The following KCNJ6 variants were observed in gnomAD, a reference collection of about 807,000 sequenced individuals.
KCNJ6 encodes the protein potassium inwardly rectifying channel subfamily J member 6, also known as G protein-activated inward rectifier potassium channel 2.
A neutral mutation model predicts 34.2 loss-of-function variants in KCNJ6; 9 were observed. The ratio of observed to expected loss-of-function variants is 0.26; its 90% confidence interval spans 0.16 to 0.46. KCNJ6 has a LOEUF of 0.46. KCNJ6 is among the 20% of genes least tolerant of loss of function. The pLI, the probability that KCNJ6 is intolerant of heterozygous loss-of-function variation, is 1.00. For synonymous variants in KCNJ6, 196 were observed against 207.1 expected, an observed-to-expected ratio of 0.95 and a Z score of 0.46; for missense variants, 236 against 531.3, an observed-to-expected ratio of 0.44 and a Z score of 5.46.
chr21:37,665,724 C>T (rs2054510879), intron 3 of KCNJ6, among the ~76,000 whole-genome samples: 1 of 152,220 alleles, frequency 6.6e-6, no homozygotes, highest in Non-Finnish European at 1.5e-5. Flanking sequence ...TTCATCCCTC[C>T]CTCAAGTATC....
At chr21:37,653,154 GCAA>G (rs962471408) in intron 3 of KCNJ6, among the ~76,000 whole-genome samples, 5 of 152,184 alleles carry the variant, frequency 3.3e-5, no homozygotes, top group African/African-American at 9.6e-5. Context: ...CTCCAGTGAT[GCAA>G]CAACAACAAC....
At chr21:37,827,708 G>T (rs1216440288) in intron 2 of KCNJ6, among the ~76,000 whole-genome samples, 1 of 151,960 alleles carries the variant, frequency 6.6e-6, no homozygotes, top group Non-Finnish European at 1.5e-5. Context: ...CAGTTGCTAT[G>T]TTACATGTTT....
chr21:37,872,061 AC>A, intron 1 of KCNJ6, among the ~76,000 whole-genome samples: 1 of 152,322 alleles, frequency 6.6e-6, no homozygotes, highest in Admixed American at 6.5e-5. Context: ...TATTAAACAA[AC>A]AAATGTAAGC....
At chr21:37,730,797 A>G (rs1249338835) in intron 2 of KCNJ6, among the ~76,000 whole-genome samples, 2 of 152,198 alleles carry the variant, frequency 1.3e-5, no homozygotes, top group Non-Finnish European at 2.9e-5. Context: ...CGGTGGCTGG[A>G]CTAATTGGCA....
intron 1 of KCNJ6, among the ~76,000 whole-genome samples, chr21:37,910,390 T>A (rs1295424650): frequency 1.3e-5 from 2 of 152,154 alleles, no homozygotes; most frequent in Non-Finnish European, 2.9e-5. Flanking sequence ...ATGAAAAAAA[T>A]CAATTCTTAT....
rs370442893 is a variant in KCNJ6 at position 37,761,454 on chromosome 21, TTGTG to T, written c.26-46327_26-46324del. Among the ~76,000 whole-genome samples the T allele has an allele frequency of 9.7e-4, 146 of 150,226 alleles. 1 individual carries two copies. The highest frequency in any genetic ancestry group is 3.5e-3 in the Middle Eastern group (1 of 288). ...TGTTGTGTGTGTATATTTGTGTGTG[TTGTG>T]TGTATGTAGTTTGTGTGTATATTTG... On this transcript the variant is annotated intron_variant, in intron 2 of 3. Coordinates refer to ENST00000609713, the MANE Select transcript of KCNJ6 (RefSeq NM_002240.5).
At chr21:37,873,849 C>T (rs1393249288) in intron 1 of KCNJ6, among the ~76,000 whole-genome samples, 1 of 152,046 alleles carries the variant, frequency 6.6e-6, no homozygotes, top group Non-Finnish European at 1.5e-5. Flanking sequence ...ACCTTTTATC[C>T]CTCCCTTTTG....
intron 3 of KCNJ6, among the ~76,000 whole-genome samples, chr21:37,631,386 T>C (rs923128248): frequency 6.6e-6 from 1 of 152,182 alleles, no homozygotes; most frequent in South Asian, 2.1e-4. Flanking sequence ...TATAATACAA[T>C]GCTGGAAAAG....
chr21:37,742,096 T>G (rs1201394272), intron 2 of KCNJ6, among the ~76,000 whole-genome samples: 1 of 152,136 alleles, frequency 6.6e-6, no homozygotes, highest in Middle Eastern at 3.2e-3. Context: ...TACCTAGAAA[T>G]GGACATCCTG....
intron 3 of KCNJ6, among the ~76,000 whole-genome samples, chr21:37,663,350 G>A (rs1405795735): frequency 1.3e-5 from 2 of 151,914 alleles, no homozygotes; most frequent in Non-Finnish European, 2.9e-5. Context: ...TATGTGAGAG[G>A]CCTAATAGTT....
intron 1 of KCNJ6, among the ~76,000 whole-genome samples, chr21:37,884,178 T>A (rs2836032): frequency 6.6e-6 from 1 of 152,016 alleles, no homozygotes; most frequent in Non-Finnish European, 1.5e-5. Context: ...TGTCTGGGCC[T>A]ATAAGCCAGG....
At chr21:37,870,303 A>T (rs573248511) in intron 1 of KCNJ6, among the ~76,000 whole-genome samples, 1 of 151,368 alleles carries the variant, frequency 6.6e-6, no homozygotes, top group Admixed American at 6.6e-5. Context: ...TAAATTAAAG[A>T]TCTGAAAGCA....
At chr21:37,912,063 T>C (rs1286819975) in intron 1 of KCNJ6, among the ~76,000 whole-genome samples, 1 of 152,188 alleles carries the variant, frequency 6.6e-6, no homozygotes, top group African/African-American at 2.4e-5. Flanking sequence ...TAAAGACCTG[T>C]CTCACACAAA....
chr21:37,817,885 CATT>C (rs1174858022), intron 2 of KCNJ6, among the ~76,000 whole-genome samples: 1 of 152,144 alleles, frequency 6.6e-6, no homozygotes, highest in Non-Finnish European at 1.5e-5. Context: ...CTTTTTGTAT[CATT>C]ATAATTGTCT....
chr21:37,861,509 G>A (rs1276134940), intron 1 of KCNJ6, among the ~76,000 whole-genome samples: 2 of 152,160 alleles, frequency 1.3e-5, no homozygotes, highest in East Asian at 1.9e-4. Context: ...GAGGTACTGG[G>A]GGTTAGGACT....
chr21:37,807,356 T>C (rs1382095552), intron 2 of KCNJ6, among the ~76,000 whole-genome samples: 1 of 152,208 alleles, frequency 6.6e-6, no homozygotes, highest in Non-Finnish European at 1.5e-5. Flanking sequence ...AGAAATGTAA[T>C]GGTTTAGCCC....
chr21:37,771,112 G>C (rs1369009027), intron 2 of KCNJ6, among the ~76,000 whole-genome samples: 1 of 152,190 alleles, frequency 6.6e-6, no homozygotes, highest in Non-Finnish European at 1.5e-5. Context: ...GTTTTAAGGA[G>C]ATAGTGTGGT....
intron 1 of KCNJ6, among the ~76,000 whole-genome samples, chr21:37,877,207 A>T (rs184735488): frequency 6.2e-4 from 94 of 152,324 alleles, no homozygotes; most frequent in African/African-American, 2.2e-3. Flanking sequence ...CACAGTGATA[A>T]AATAAAAATC....
chr21:37,730,044 C>T (rs1243040539), intron 2 of KCNJ6, among the ~76,000 whole-genome samples: 1 of 152,144 alleles, frequency 6.6e-6, no homozygotes, highest in Non-Finnish European at 1.5e-5. Context: ...TCTGTGTTTC[C>T]CTGAAGCAGT....
Sources: gnomAD v4.1 joint callset for allele counts (sites outside exome capture counted in the v4.1 genomes callset) on GRCh38, gnomAD v4.1.1 for gene constraint, MANE v1.5 for transcripts, NCBI Gene and HGNC (gene_info 2026-07-23, HGNC 2026-07-21) for gene names.